The following ACER3 variants were observed in gnomAD, a reference collection of about 807,000 sequenced individuals.
ACER3 encodes the protein alkaline ceramidase 3, also known as alkCDase 3.
ACER3 carries 16 observed loss-of-function variants against 48.9 expected under a neutral mutation model. The ratio of observed to expected loss-of-function variants is 0.33; its 90% confidence interval spans 0.22 to 0.50. The LOEUF (loss-of-function observed/expected upper bound fraction) is 0.50, where lower values mean the gene tolerates loss of function less well. Among genes scored for constraint, ACER3 ranks in the 20% least tolerant of loss-of-function variants. ACER3 has a pLI of 0.98. For missense variants in ACER3, 227 were observed against 326.0 expected (o/e 0.70, Z 2.34); for synonymous variants, 109 against 107.8 (o/e 1.01, Z -0.07).
At chr11:76,928,146 C>T (rs376848501) in intron 2 of ACER3, among the ~76,000 whole-genome samples, 10 of 151,990 alleles carry the variant, frequency 6.6e-5, no homozygotes, top group Admixed American at 4.6e-4. Flanking sequence ...TTTTAATGAT[C>T]GCCATTCTAA....
At chr11:76,915,577 G>C (rs907397881) in intron 1 of ACER3, among the ~76,000 whole-genome samples, 1 of 152,184 alleles carries the variant, frequency 6.6e-6, no homozygotes, top group African/African-American at 2.4e-5. Context: ...CATTTCTAGT[G>C]GGTGGGGGGA....
chr11:77,012,550 T>C (rs549836380), intron 7 of ACER3, among the ~76,000 whole-genome samples: 1 of 152,162 alleles, frequency 6.6e-6, no homozygotes, highest in South Asian at 2.1e-4. Context: ...TTTTGTAAAG[T>C]ATAATTTACA....
chr11:76,950,446 ATCTATATT>A (rs1806025425), intron 2 of ACER3, among the ~76,000 whole-genome samples: 1 of 133,254 alleles, frequency 7.5e-6, no homozygotes, highest in African/African-American at 2.6e-5. Context: ...GTATATCTAT[ATCTATATT>A]TATATCTAAA....
At chr11:76,958,034 G>A (rs181200104) in intron 2 of ACER3, among the ~76,000 whole-genome samples, 5 of 151,278 alleles carry the variant, frequency 3.3e-5, no homozygotes, top group Admixed American at 2.6e-4. Flanking sequence ...GAGTTCAAGC[G>A]ATCCTCTGGC....
chr11:76,925,499 A>C (rs961047695), intron 1 of ACER3, among the ~76,000 whole-genome samples: 1 of 152,164 alleles, frequency 6.6e-6, no homozygotes, highest in African/African-American at 2.4e-5. Context: ...TAATTTATCA[A>C]ATTATCTATC....
intron 7 of ACER3, among the ~76,000 whole-genome samples, chr11:77,000,133 T>A (rs1382351835): frequency 6.6e-6 from 1 of 152,230 alleles, no homozygotes; most frequent in Non-Finnish European, 1.5e-5. Context: ...AGTGTCACTA[T>A]TTTTAATGAA....
chr11:76,988,925 C>A (rs1179157155), intron 5 of ACER3, among the ~76,000 whole-genome samples: 2 of 152,138 alleles, frequency 1.3e-5, no homozygotes, highest in African/African-American at 4.8e-5. Flanking sequence ...TAATCTCTCT[C>A]AGCCTTAGTT....
At chr11:76,998,278 G>A (rs969088829) in intron 6 of ACER3, among the ~76,000 whole-genome samples, 3 of 152,242 alleles carry the variant, frequency 2.0e-5, no homozygotes, top group Non-Finnish European at 4.4e-5. Context: ...TAGTCAAGAA[G>A]TGGGCACCTT....
At chr11:76,982,286 G>A (rs545290760) in intron 4 of ACER3, among the ~76,000 whole-genome samples, 3 of 147,742 alleles carry the variant, frequency 2.0e-5, no homozygotes, top group Non-Finnish European at 3.0e-5. Context: ...GTGCGATCTC[G>A]GCTCACTGCA....
At chr11:77,019,042 A>G (rs560377749) in intron 9 of ACER3, among the ~76,000 whole-genome samples, 2 of 152,360 alleles carry the variant, frequency 1.3e-5, no homozygotes, top group African/African-American at 4.8e-5. Flanking sequence ...AGAGAAGTCA[A>G]TGCGTGGCTT....
intron 2 of ACER3, among the ~76,000 whole-genome samples, chr11:76,938,144 G>T (rs898090158): frequency 6.6e-6 from 1 of 152,080 alleles, no homozygotes; most frequent in Non-Finnish European, 1.5e-5. Flanking sequence ...CTTCCTAGTA[G>T]TTGGGACTTC....
intron 5 of ACER3, among the ~76,000 whole-genome samples, chr11:76,989,970 G>C (rs952775672): frequency 6.6e-6 from 1 of 152,212 alleles, no homozygotes; most frequent in Non-Finnish European, 1.5e-5. Context: ...GGAAGCATAA[G>C]AAAGCATAAG....
At chr11:76,962,792 A>G (rs533171021) in intron 3 of ACER3, among the ~76,000 whole-genome samples, 27 of 151,440 alleles carry the variant, frequency 1.8e-4, no homozygotes, top group Non-Finnish European at 2.4e-4. Context: ...TGCTACCTTT[A>G]TGTGTTTCTC....
intron 1 of ACER3, among the ~76,000 whole-genome samples, chr11:76,876,210 C>A (rs1945376363): frequency 6.6e-6 from 1 of 152,114 alleles, no homozygotes; most frequent in South Asian, 2.1e-4. Context: ...TCCCTCATGC[C>A]CCTTCTCTGT....
Position 76,926,621 on chromosome 11 carries a change from A to T in ACER3, c.168A>T (p.Arg56Ser), listed in dbSNP as rs1946836881. Residue 56 changes from arginine to serine, a missense_variant, in exon 2 of 11, where the codon AGA becomes AGT. Physicochemically the swap from Arg to Ser is moderately radical, Grantham distance 110. Around this residue, in one of 3 missense-constraint regions of ACER3, gnomAD observed 195 missense variants for 290.8 expected, o/e 0.67. Transcript: ENST00000532485. ...PPMFGAVQSV[R>S]DGLEKRYIAS... ...TGTTCGGTGCAGTTCAGAGTGTTAG[A>T]GACGGTCTGGAAAAGCGGTACATTG... The T allele has an allele frequency of 6.2e-7, 1 of 1,608,554 alleles. No individual in the cohort carries two copies. The highest frequency in any genetic ancestry group is 1.3e-5 in the African/African-American group (1 of 74,988).
At chr11:77,019,155 G>A (rs990834760) in intron 9 of ACER3, among the ~76,000 whole-genome samples, 42 of 152,238 alleles carry the variant, frequency 2.8e-4, no homozygotes, top group African/African-American at 1.0e-3. Context: ...AAGTCCTATG[G>A]CCCTTAAGAA....
chr11:76,903,841 C>A (rs1946146636), intron 1 of ACER3, among the ~76,000 whole-genome samples: 2 of 152,136 alleles, frequency 1.3e-5, no homozygotes, highest in Admixed American at 1.3e-4. Flanking sequence ...CTTTCAAGGT[C>A]TTTTCCTGAT....
chr11:77,020,257 A>G lies in ACER3; in HGVS notation c.751-17A>G. 6.2e-7 allele frequency: 1 copy of G among 1,613,034 alleles called. No individual in the cohort carries two copies. The highest frequency in any genetic ancestry group is 8.5e-7 in the Non-Finnish European group (1 of 1,179,364). On this transcript the variant is annotated splice_polypyrimidine_tract_variant and intron_variant, in intron 10 of 10. Coordinates refer to ENST00000532485, the MANE Select transcript of ACER3 (RefSeq NM_018367.7). ...ATTCTGTCTTTTCTCATTTTGTCCTAATTTGTCCCCAAACAGTTTCTCTTT... is the reference window on the plus strand; with the variant it reads ...ATTCTGTCTTTTCTCATTTTGTCCTGATTTGTCCCCAAACAGTTTCTCTTT...
chr11:76,865,442 T>C (rs74474767), intron 1 of ACER3, among the ~76,000 whole-genome samples: 3,212 of 152,274 alleles, frequency 0.021, 117 homozygotes, highest in African/African-American at 0.074. Context: ...TTTATCCTTT[T>C]CACCACAACT....
Sources: allele counts gnomAD v4.1 joint callset (sites outside exome capture counted in the v4.1 genomes callset), GRCh38; gene constraint gnomAD v4.1.1; regional missense constraint gnomAD v4.1.1; transcripts MANE v1.5; gene names NCBI Gene and HGNC (gene_info 2026-07-23, HGNC 2026-07-21).